The following DYM variants were observed in gnomAD, a reference collection of about 807,000 sequenced individuals.
The protein encoded by DYM is dymeclin, also known as dyggve-Melchior-Clausen syndrome protein.
DYM carries 78 observed loss-of-function variants against 93.1 expected under a neutral mutation model. The ratio of observed to expected loss-of-function variants is 0.84; its 90% CI spans 0.70 to 1.01. DYM has a LOEUF of 1.01. DYM is among the 50% of genes least tolerant of loss of function. The pLI is 0.00. For missense variants in DYM, 789 were observed against 845.0 expected (o/e 0.93, Z 0.82); for synonymous variants, 321 against 319.7 (o/e 1.00, Z -0.04).
chr18:49,202,905 G>T (rs1293745224), intron 14 of DYM, among the ~76,000 whole-genome samples: 9 of 138,032 alleles, frequency 6.5e-5, no homozygotes, highest in Admixed American at 3.6e-4. Flanking sequence ...GGGAGGTTGG[G>T]GGGGGTCAGC....
Position 49,286,470 on chromosome 18 carries a change from A to T in DYM, c.910T>A (p.Tyr304Asn), listed in dbSNP as rs1200751911. The change falls in exon 9 of 18, where the codon TAC becomes AAC. Residue 304 changes from tyrosine (Y) to asparagine (N), a missense_variant. This residue lies in a region of DYM where 450 missense variants were observed against 436.2 expected (regional missense o/e 1.03). Transcript: ENST00000675505. ...LTDASDAPNP[Y>N]RQAIMSFKNT... ...TTGAAGGACATAATGGCTTGTCTGT[A>T]GGGGTTTGGCGCATCTGAGGCATCT... The T allele has an allele frequency of 6.2e-7, 1 of 1,614,200 alleles. No homozygotes were observed. The highest frequency in any genetic ancestry group is 2.2e-5 in the East Asian group (1 of 44,886).
intron 6 of DYM, among the ~76,000 whole-genome samples, 188 bp from the exon 7 acceptor site, chr18:49,334,041 C>T (rs1012063125): frequency 6.6e-6 from 1 of 152,188 alleles, no homozygotes; most frequent in Non-Finnish European, 1.5e-5. Context: ...CTGTCATTAG[C>T]TGGTGTATTT....
intron 8 of DYM, among the ~76,000 whole-genome samples, chr18:49,304,941 A>G (rs1474560220): frequency 6.6e-6 from 1 of 152,062 alleles, no homozygotes; most frequent in Non-Finnish European, 1.5e-5. Context: ...TCCTGCCTAG[A>G]CATTCTCTCC....
At chr18:49,228,171 T>G (rs1189553867) in intron 13 of DYM, among the ~76,000 whole-genome samples, 2 of 152,188 alleles carry the variant, frequency 1.3e-5, no homozygotes, top group Non-Finnish European at 2.9e-5. Context: ...ACCATATTTA[T>G]TAACTGGAGT....
chr18:49,224,756 A>G (rs1411143633), intron 13 of DYM, among the ~76,000 whole-genome samples: 1 of 152,076 alleles, frequency 6.6e-6, no homozygotes, highest in Non-Finnish European at 1.5e-5. Context: ...GTGGGAAGTA[A>G]ATGTCTGTTG....
At chr18:49,062,359 C>G (rs994291537) in intron 17 of DYM, among the ~76,000 whole-genome samples, 1 of 152,318 alleles carries the variant, frequency 6.6e-6, no homozygotes, top group Non-Finnish European at 1.5e-5. Flanking sequence ...GAAGCACACT[C>G]TTATCTAGCC....
intron 8 of DYM, among the ~76,000 whole-genome samples, chr18:49,292,336 G>GCAGA (rs869253914): frequency 6.9e-4 from 70 of 101,344 alleles, no homozygotes; most frequent in Middle Eastern, 4.9e-3. Context: ...AGGCAGGCAG[G>GCAGA]CAGACAGACA....
Position 49,037,587 on chromosome 18 carries a change from T to A in DYM, c.*6468A>T, listed in dbSNP as rs2070751570. On this transcript the variant is annotated 3_prime_UTR_variant, in exon 18 of 18. Coordinates refer to ENST00000675505, the MANE Select transcript of DYM (RefSeq NM_001353214.3). ...GTACTCTTTAAATTTAAAATAAAAT[T>A]AAAAGGTCTTCTAAGCATAGTTTTA... 6.7e-6 allele frequency among the ~76,000 whole-genome samples: 1 copy of A among 149,814 alleles called. No homozygotes were observed. The highest frequency in any genetic ancestry group is 1.5e-5 in the Non-Finnish European group (1 of 66,552).
intron 8 of DYM, among the ~76,000 whole-genome samples, chr18:49,317,014 T>C (rs929806767): frequency 1.2e-4 from 18 of 152,234 alleles, no homozygotes; most frequent in Non-Finnish European, 1.9e-4. Context: ...GTCTAAACCC[T>C]GAGTACTGTA....
chr18:49,112,028 T>G (rs2081443920), intron 16 of DYM, among the ~76,000 whole-genome samples: 1 of 151,798 alleles, frequency 6.6e-6, no homozygotes, highest in Non-Finnish European at 1.5e-5. Context: ...AAGTAGAGAG[T>G]TTTTTTGTTT....
chr18:49,431,293 T>A (rs1387476451), intron 1 of DYM, among the ~76,000 whole-genome samples: 1 of 152,240 alleles, frequency 6.6e-6, no homozygotes, highest in South Asian at 2.1e-4. Flanking sequence ...TTAGTTGATA[T>A]GCCTCTTCCC....
At chr18:49,459,106 G>A (rs191486588) in intron 1 of DYM, among the ~76,000 whole-genome samples, 5 of 152,202 alleles carry the variant, frequency 3.3e-5, no homozygotes, top group East Asian at 1.9e-4. Flanking sequence ...CCTATATGTC[G>A]TAACAACACA....
chr18:49,232,259 G>C (rs746639270), intron 13 of DYM, among the ~76,000 whole-genome samples: 2 of 151,444 alleles, frequency 1.3e-5, no homozygotes, highest in Middle Eastern at 3.2e-3. Flanking sequence ...CTGGCCATAC[G>C]GAAATTCTAC....
chr18:49,241,313 T>C (rs908550523), intron 13 of DYM, among the ~76,000 whole-genome samples: 10 of 152,346 alleles, frequency 6.6e-5, no homozygotes, highest in Non-Finnish European at 1.3e-4. Context: ...AGAACATTTC[T>C]ACGCTAGGGT....
intron 8 of DYM, among the ~76,000 whole-genome samples, chr18:49,304,955 G>T (rs1201129347): frequency 6.6e-6 from 1 of 151,956 alleles, no homozygotes; most frequent in East Asian, 1.9e-4. Context: ...TCTCTCCACT[G>T]GTGACTGCAC....
intron 1 of DYM, among the ~76,000 whole-genome samples, chr18:49,448,343 A>G (rs1053305321): frequency 6.6e-6 from 1 of 152,228 alleles, no homozygotes; most frequent in African/African-American, 2.4e-5. Context: ...ATCTAAGGGT[A>G]AATGCTTCAG....
At chr18:49,403,998 GTTTTT>G (rs113425880) in intron 2 of DYM, among the ~76,000 whole-genome samples, 40 of 147,470 alleles carry the variant, frequency 2.7e-4, no homozygotes, top group Non-Finnish European at 5.0e-4. Flanking sequence ...TGTTTTTTCT[GTTTTT>G]TTTTTGTTTG....
At chr18:49,455,468 T>C (rs1476912716) in intron 1 of DYM, among the ~76,000 whole-genome samples, 1 of 152,224 alleles carries the variant, frequency 6.6e-6, no homozygotes, top group Non-Finnish European at 1.5e-5. Flanking sequence ...TATTGCTAGG[T>C]ACATAGAGGT....
At chr18:49,189,951 A>G (rs1568568518) in intron 14 of DYM, among the ~76,000 whole-genome samples, 1 of 152,264 alleles carries the variant, frequency 6.6e-6, no homozygotes, top group African/African-American at 2.4e-5. Flanking sequence ...TTCAAAAGGA[A>G]TATTAAAAAA....
Sources: allele counts gnomAD v4.1 joint callset (sites outside exome capture counted in the v4.1 genomes callset), GRCh38; gene constraint gnomAD v4.1.1; regional missense constraint gnomAD v4.1.1; transcripts MANE v1.5; gene names NCBI Gene and HGNC (gene_info 2026-07-23, HGNC 2026-07-21).